TMIGD3: variants seen among roughly 807,000 people sequenced by gnomAD.
TMIGD3 encodes AD026 protein (AD026).
A neutral mutation model predicts 28.1 loss-of-function variants in TMIGD3; 21 were observed. That is an observed-to-expected ratio of 0.75 (90% confidence interval 0.53 to 1.08). The LOEUF (loss-of-function observed/expected upper bound fraction) is 1.08. TMIGD3 is among the 50% of genes least tolerant of loss of function. The pLI is 0.00. For missense variants in TMIGD3, 416 were observed against 435.6 expected, an observed-to-expected ratio of 0.96 and a Z score of 0.40; for synonymous variants, 151 against 162.1, an observed-to-expected ratio of 0.93 and a Z score of 0.52.
At chr1:111,514,035 C>T (rs1655779097) in intron 1 of TMIGD3, among the ~76,000 whole-genome samples, 2 of 152,164 alleles carry the variant, frequency 1.3e-5, no homozygotes, top group South Asian at 4.1e-4. Context: ...GGCACATGGG[C>T]CTCACAACCC....
chr1:111,506,911 T>TA (rs1426856029), upstream of TMIGD3, among the ~76,000 whole-genome samples: 6 of 108,156 alleles, frequency 5.5e-5, no homozygotes, highest in East Asian at 8.9e-4. Flanking sequence ...TATATATATA[T>TA]ATTATATATA....
chr1:111,534,450 G>A (rs1656574356), intron 1 of TMIGD3, among the ~76,000 whole-genome samples: 1 of 152,242 alleles, frequency 6.6e-6, no homozygotes, highest in Admixed American at 6.5e-5. Flanking sequence ...CTAAAGGACA[G>A]GACTGGTTTG....
At chr1:111,499,671 T>C (rs1655059372) in intron 1 of TMIGD3, 1 of 1,209,444 alleles carries the variant, frequency 8.3e-7, no homozygotes, top group Non-Finnish European at 1.0e-6. Flanking sequence ...CTTATTCTTC[T>C]ATTGGGAAGA....
At chr1:111,487,859 A>G (rs1654458631) in intron 3 of TMIGD3, among the ~76,000 whole-genome samples, 1 of 152,186 alleles carries the variant, frequency 6.6e-6, no homozygotes, top group Non-Finnish European at 1.5e-5. Flanking sequence ...GCTGAAGTGC[A>G]GTGGTGCAAT....
chr1:111,496,203 T>G (rs1232432608), intron 1 of TMIGD3, among the ~76,000 whole-genome samples: 1 of 152,128 alleles, frequency 6.6e-6, no homozygotes, highest in Non-Finnish European at 1.5e-5. Flanking sequence ...CATTAAAAAA[T>G]AGCCAGGACT....
intron 1 of TMIGD3, among the ~76,000 whole-genome samples, chr1:111,535,342 ACATATACGTAT>A (rs1240878972): frequency 6.6e-6 from 1 of 152,250 alleles, no homozygotes; most frequent in Non-Finnish European, 1.5e-5. Flanking sequence ...AGTGCAATAT[ACATATACGTAT>A]CACTCTAGAA....
intron 1 of TMIGD3, among the ~76,000 whole-genome samples, chr1:111,540,622 G>T (rs1387285666): frequency 6.6e-6 from 1 of 152,098 alleles, no homozygotes; most frequent in African/African-American, 2.4e-5. Context: ...CTTCCTGACT[G>T]CCAGTCATGC....
Position 111,483,620 on chromosome 1 carries a change from G to T in TMIGD3, c.*67C>A. ...GATCAGAATCAGTCTCTGAGGTGTG[G>T]GCCAGTTGTCATGGTGATTATTCTG... On this transcript the variant is annotated 3_prime_UTR_variant, in exon 6 of 6. Transcript: ENST00000369716. 1 of 1,263,828 alleles carries T rather than the reference G, an allele frequency of 7.9e-7. No homozygotes were observed. The highest frequency in any genetic ancestry group is 1.2e-5 in the South Asian group (1 of 80,904). 78.3% of individuals were successfully genotyped at this position (1,263,828 alleles called of 1,614,324 possible).
intron 1 of TMIGD3, among the ~76,000 whole-genome samples, chr1:111,539,626 A>C (rs1656751380): frequency 6.6e-6 from 1 of 152,174 alleles, no homozygotes; most frequent in Admixed American, 6.5e-5. Flanking sequence ...CAATTAAAAA[A>C]CACAAGGAAC....
intron 1 of TMIGD3, chr1:111,499,573 T>C (rs1415792): frequency 0.81 from 831,567 of 1,023,982 alleles, 338,198 homozygotes; most frequent in Middle Eastern, 0.88. Flanking sequence ...TCCACAATGG[T>C]ATGGAAATGA....
chr1:111,488,257 C>A (rs981782754), intron 3 of TMIGD3, among the ~76,000 whole-genome samples: 2 of 151,908 alleles, frequency 1.3e-5, no homozygotes, highest in South Asian at 4.1e-4. Context: ...GAGTCTCACT[C>A]TATCGCCCAG....
chr1:111,551,804 A>G (rs1015564992), intron 1 of TMIGD3, among the ~76,000 whole-genome samples: 1 of 149,726 alleles, frequency 6.7e-6, no homozygotes, highest in Non-Finnish European at 1.5e-5. Flanking sequence ...GGATTCTGCA[A>G]CTTTATTGGG....
At chr1:111,495,800 G>T (rs1628597) in intron 1 of TMIGD3, among the ~76,000 whole-genome samples, 148,618 of 152,372 alleles carry the variant, frequency 0.98, 72,601 homozygotes, top group South Asian at 1. Flanking sequence ...GTGGTACATA[G>T]ACACGATGGA....
rs369457213 is a variant in TMIGD3, at chr1:111,485,779, G to T, written c.934C>A (p.His312Asn). ...TGACTTCTCCTCCTTTTGGTCAAAT[G>T]ACTGATTACAGAGATGATTCCCAAA... ...TGLGIISVISHLTKRRRSQRN... is the reference protein window; with the variant it reads ...TGLGIISVISNLTKRRRSQRN... The change falls in exon 5 of 6, where the codon CAT becomes AAT. Residue 312 changes from histidine to asparagine, a missense_variant. By Grantham distance (68) the His-to-Asn change is moderately conservative (BLOSUM62 1). Transcript: ENST00000369716. 1.6e-4 allele frequency: 234 copies of T among 1,503,158 alleles called. No individual in the cohort carries two copies. Among genetic ancestry groups the T allele is most frequent in the Middle Eastern group, 3.6e-4 (2 of 5,514 alleles). The allele number at this position is 1,503,158 out of a possible 1,614,324, so 93.1% of individuals were successfully genotyped here. A position where few individuals can be genotyped will look rare whatever the true frequency, so the allele number is the denominator to read the frequency against.
intron 1 of TMIGD3, among the ~76,000 whole-genome samples, chr1:111,515,273 C>G (rs35254520): frequency 0.35 from 53,217 of 152,008 alleles, 10,046 homozygotes; most frequent in Admixed American, 0.48. Flanking sequence ...GGGGAAGATC[C>G]ACTAGCTCTT....
intron 1 of TMIGD3, among the ~76,000 whole-genome samples, chr1:111,510,063 A>C (rs1032806001): frequency 1.3e-5 from 2 of 152,198 alleles, no homozygotes; most frequent in Non-Finnish European, 2.9e-5. Context: ...CAGTATCCTA[A>C]TGGGTAGACT....
chr1:111,514,834 C>G (rs1421431994), intron 1 of TMIGD3, among the ~76,000 whole-genome samples: 1 of 152,184 alleles, frequency 6.6e-6, no homozygotes, highest in African/African-American at 2.4e-5. Context: ...TTTCATTAAC[C>G]TTGGAATACT....
intron 1 of TMIGD3, chr1:111,542,161 G>C: frequency 2.5e-6 from 1 of 397,784 alleles, no homozygotes. Context: ...TAATTGAGTA[G>C]ATGCCTTGGA....
intron 1 of TMIGD3, among the ~76,000 whole-genome samples, chr1:111,514,381 C>T (rs1655789664): frequency 1.3e-5 from 2 of 151,606 alleles, no homozygotes; most frequent in African/African-American, 2.4e-5. Flanking sequence ...CCTGTCTCTA[C>T]AAAAAAAATT....
Sources: gnomAD v4.1 joint callset for allele counts (sites outside exome capture counted in the v4.1 genomes callset) on GRCh38, gnomAD v4.1.1 for gene constraint, MANE v1.5 for transcripts, NCBI Gene and HGNC (gene_info 2026-07-23, HGNC 2026-07-21) for gene names.